Variants in CEP89 observed in about 807,000 individuals in gnomAD.
CEP89 encodes centrosomal protein of 89 kDa.
In CEP89, 95 loss-of-function variants were observed where a neutral mutation model predicts 97.6. The observed-to-expected ratio is 0.97, with a 90% CI of 0.82 to 1.15. The LOEUF is 1.15. Ranked by LOEUF, CEP89 falls within the 50% of genes most tolerant of loss-of-function variation. The pLI is 0.00. For missense variants in CEP89, 869 were observed against 947.7 expected (o/e 0.92, Z 1.09); for synonymous variants, 354 against 349.1 (o/e 1.01, Z -0.16).
chr19:32,887,757 C>G lies in CEP89; in HGVS notation c.1960G>C (p.Val654Leu), dbSNP rs772121379. 4.4e-6 allele frequency: 7 copies of G among 1,604,438 alleles called. No individual in the cohort carries two copies. The highest frequency in any genetic ancestry group is 6.0e-6 in the Non-Finnish European group (7 of 1,171,148). ...NIRLGKLEEK[V>L]KGYKKQAALK... is the part of the protein sequence containing the mutation. ...GAGGCCAAATAACCACTTACCTTGA[C>G]TTTTTCCTCTAACTTTCCCAGGCGA... The change falls in exon 17 of 19, where the codon GTC becomes CTC. Residue 654 changes from valine to leucine, a missense_variant. Coordinates refer to ENST00000305768, the MANE Select transcript of CEP89 (RefSeq NM_032816.5).
chr19:32,933,403 G>A (rs1599754495), intron 8 of CEP89, 48 bp downstream of exon 8: 1 of 1,239,914 alleles, frequency 8.1e-7, no homozygotes, highest in Non-Finnish European at 1.2e-6. Flanking sequence ...AAATAATTGA[G>A]TGAAGTCCTG....
intron 17 of CEP89, among the ~76,000 whole-genome samples, chr19:32,882,561 C>CA (rs564662597): frequency 0.089 from 8,128 of 91,422 alleles, 694 homozygotes; most frequent in African/African-American, 0.25. Context: ...GACCCTGTCT[C>CA]AAAAAAAAAA....
At position 32,900,438 on chromosome 19, in the gene CEP89, T is replaced by TA. The variant is rs1234319919; in HGVS notation, c.1734-441_1734-440insT. On this transcript the variant is annotated intron_variant, in intron 15 of 18. Transcript: ENST00000305768. ...TTTTCTGTATATATACATATATATATTTTTTTAAGTAGCCAGGGCTTCTCT... is the reference window on the plus strand; with the variant it reads ...TTTTCTGTATATATACATATATATATATTTTTTAAGTAGCCAGGGCTTCTCT... Among the ~76,000 whole-genome samples the TA allele has an allele frequency of 8.6e-4, 131 of 151,782 alleles. 1 individual carries two copies. The highest frequency in any genetic ancestry group is 7.1e-3 in the Admixed American group (108 of 15,232).
intron 16 of CEP89, among the ~76,000 whole-genome samples, chr19:32,895,581 C>T (rs1459420976): frequency 6.6e-6 from 1 of 152,050 alleles, no homozygotes; most frequent in African/African-American, 2.4e-5. Context: ...CTACTTTCAC[C>T]ACTCTTATTC....
intron 4 of CEP89, among the ~76,000 whole-genome samples, chr19:32,952,302 A>G (rs2145956579): frequency 6.7e-6 from 1 of 148,782 alleles, no homozygotes; most frequent in East Asian, 2.0e-4. Flanking sequence ...CTAACATAAC[A>G]AGACCCTGGC....
chr19:32,933,014 T>C (rs941928204), intron 8 of CEP89, among the ~76,000 whole-genome samples: 2 of 152,154 alleles, frequency 1.3e-5, no homozygotes, highest in African/African-American at 4.8e-5. Flanking sequence ...TGCAAAGATA[T>C]GAAAAAATAT....
intron 17 of CEP89, among the ~76,000 whole-genome samples, chr19:32,887,027 T>C (rs865790321): frequency 7.2e-5 from 7 of 97,130 alleles, no homozygotes; most frequent in African/African-American, 3.2e-4. Flanking sequence ...AAAAAAAAAA[T>C]ACAAAAAAAA....
At chr19:32,951,346 C>G (rs887120257) in intron 4 of CEP89, among the ~76,000 whole-genome samples, 1 of 151,874 alleles carries the variant, frequency 6.6e-6, no homozygotes, top group Non-Finnish European at 1.5e-5. Flanking sequence ...ATTTGCTGGG[C>G]ATGGTGGCGG....
At chr19:32,963,335 GA>G (rs1971208289) in intron 2 of CEP89, among the ~76,000 whole-genome samples, 1 of 152,118 alleles carries the variant, frequency 6.6e-6, no homozygotes, top group African/African-American at 2.4e-5. Context: ...CAGCCTGGGT[GA>G]CAGAATGAGA....
intron 11 of CEP89, among the ~76,000 whole-genome samples, 156 bp from the exon 12 acceptor site, chr19:32,923,698 G>A (rs1274609723): frequency 6.6e-6 from 1 of 152,160 alleles, no homozygotes; most frequent in Non-Finnish European, 1.5e-5. Flanking sequence ...CAGCACCAGT[G>A]GTGCCTGCTC....
intron 8 of CEP89, among the ~76,000 whole-genome samples, 157 bp downstream of exon 8, chr19:32,933,294 A>C (rs1209345923): frequency 1.3e-5 from 2 of 152,220 alleles, no homozygotes; most frequent in African/African-American, 4.8e-5. Flanking sequence ...AGCAGATGAA[A>C]TCAAATCTCA....
At chr19:32,930,833 A>T (rs546594647) in intron 9 of CEP89, among the ~76,000 whole-genome samples, 68 of 152,280 alleles carry the variant, frequency 4.5e-4, no homozygotes, top group Admixed American at 3.9e-4. Context: ...ACTTTCAGGA[A>T]CGTGACTGAG....
chr19:32,921,234 AAAG>A (rs763521188), intron 12 of CEP89, among the ~76,000 whole-genome samples: 31,596 of 146,020 alleles, frequency 0.22, 3,605 homozygotes, highest in East Asian at 0.51. Context: ...AAAAAAAAAG[AAAG>A]AAAGAAAGAA....
Position 32,951,838 on chromosome 19 carries a change from G to A in CEP89, c.492+1777C>T, listed in dbSNP as rs548353070. ...ACAAAATATCTGTCCTTCTAGCAAG[G>A]AAAGAGTCTCTGTAGGTCACTGTAT... On this transcript the variant is annotated intron_variant, in intron 4 of 18. Transcript: ENST00000305768. Among the ~76,000 whole-genome samples the A allele has an allele frequency of 4.3e-4, 65 of 152,224 alleles. 2 individuals carry two copies. In the South Asian group the frequency reaches 0.011, roughly 27 times the overall value.
intron 1 of CEP89, chr19:32,970,465 C>A (rs1035870005): frequency 4.6e-5 from 7 of 151,466 alleles, no homozygotes; most frequent in Non-Finnish European, 7.4e-5. Context: ...CCAGCCTGGG[C>A]AGCATACCCA....
chr19:32,937,774 CT>C, intron 6 of CEP89, 101 bp from the exon 7 acceptor site: 1 of 788,198 alleles, frequency 1.3e-6, no homozygotes, highest in Non-Finnish European at 2.2e-6. Flanking sequence ...TATAAGCATG[CT>C]TTATTTCCTT....
intron 5 of CEP89, among the ~76,000 whole-genome samples, chr19:32,944,678 G>A (rs1271712657): frequency 6.6e-6 from 1 of 152,216 alleles, no homozygotes; most frequent in East Asian, 1.9e-4. Flanking sequence ...AGAGGGGACT[G>A]TGGGATCAAA....
chr19:32,908,728 T>C (rs920835836), intron 14 of CEP89, among the ~76,000 whole-genome samples: 3 of 151,974 alleles, frequency 2.0e-5, no homozygotes, highest in African/African-American at 7.2e-5. Context: ...ATAATAGAGA[T>C]AGGCCACATG....
At chr19:32,959,517 C>G (rs1339610502) in intron 3 of CEP89, among the ~76,000 whole-genome samples, 1 of 152,168 alleles carries the variant, frequency 6.6e-6, no homozygotes, top group African/African-American at 2.4e-5. Context: ...CAGAGATACA[C>G]GTGAGAGGTA....
Sources: gnomAD v4.1 joint callset for allele counts (sites outside exome capture counted in the v4.1 genomes callset) on GRCh38, gnomAD v4.1.1 for gene constraint, MANE v1.5 for transcripts, NCBI Gene and HGNC (gene_info 2026-07-23, HGNC 2026-07-21) for gene names.